Variants in MBNL2 observed in about 807,000 individuals in gnomAD.
The protein encoded by MBNL2 is muscleblind like splicing regulator 2, also known as muscleblind-like protein 2.
Under a neutral mutation model 41.9 loss-of-function variants are expected in MBNL2, and 17 were observed. The observed-to-expected ratio is 0.41, with a 90% CI of 0.28 to 0.61. MBNL2 has a LOEUF of 0.61. MBNL2 is among the 20% of genes least tolerant of loss of function. MBNL2 has a pLI of 0.35. For synonymous variants in MBNL2, 195 were observed against 182.9 expected (o/e 1.07, Z -0.53); for missense variants, 336 against 505.6 (o/e 0.66, Z 3.22).
chr13:97,197,242 G>C, the MBNL2 span, among the ~76,000 whole-genome samples: 1,858 of 152,088 alleles, frequency 0.012, 43 homozygotes, highest in African/African-American at 0.042. Flanking sequence ...AAAAATTATT[G>C]TCCTTTGCAG....
At chr13:97,378,453 G>A (rs2065152655) in intron 8 of MBNL2, among the ~76,000 whole-genome samples, 1 of 152,172 alleles carries the variant, frequency 6.6e-6, no homozygotes, top group Admixed American at 6.5e-5. Context: ...ACTTCCTACT[G>A]CAGTGGACAC....
chr13:97,258,168 C>T (rs939238994), intron 1 of MBNL2, among the ~76,000 whole-genome samples: 8 of 151,264 alleles, frequency 5.3e-5, no homozygotes, highest in African/African-American at 1.9e-4. Flanking sequence ...CCTAATAACT[C>T]GTGGTGTCAC....
chr13:97,242,902 G>A (rs969250978), intron 1 of MBNL2, among the ~76,000 whole-genome samples: 1 of 152,178 alleles, frequency 6.6e-6, no homozygotes, highest in South Asian at 2.1e-4. Flanking sequence ...CTCTGAAATT[G>A]GTGCTGGTGG....
the MBNL2 span, among the ~76,000 whole-genome samples, chr13:97,153,938 C>T: frequency 6.6e-6 from 1 of 152,218 alleles, no homozygotes; most frequent in Non-Finnish European, 1.5e-5. Flanking sequence ...ACTTTCCAAA[C>T]TCTCTTCCAA....
chr13:97,186,105 G>A, the MBNL2 span, among the ~76,000 whole-genome samples: 2 of 152,150 alleles, frequency 1.3e-5, no homozygotes, highest in African/African-American at 4.8e-5. Flanking sequence ...CTTAATACCT[G>A]GGATTCTAGC....
chr13:97,313,722 T>C (rs191319544), intron 2 of MBNL2, among the ~76,000 whole-genome samples: 2 of 152,278 alleles, frequency 1.3e-5, no homozygotes, highest in East Asian at 3.9e-4. Flanking sequence ...GGCTGAGCTG[T>C]AGGCTTCAGG....
chr13:97,278,811 A>G (rs1236343393), intron 2 of MBNL2, among the ~76,000 whole-genome samples: 2 of 152,232 alleles, frequency 1.3e-5, no homozygotes, highest in African/African-American at 4.8e-5. Flanking sequence ...TGAGTGCAAC[A>G]TTACACATTT....
chr13:97,356,856 T>G lies in MBNL2; in HGVS notation c.858+7T>G, dbSNP rs1001252693. 2 of 1,357,290 alleles carry G rather than the reference T, an allele frequency of 1.5e-6. No individual in the cohort carries two copies. Among genetic ancestry groups the G allele is most frequent in the Middle Eastern group, 2.1e-4 (1 of 4,750 alleles). The allele number at this position is 1,357,290 out of a possible 1,614,324, so 84.1% of individuals were successfully genotyped here. A position where few individuals can be genotyped will look rare whatever the true frequency, so the allele number is the denominator to read the frequency against. On this transcript the variant is annotated splice_region_variant and intron_variant, in intron 6 of 8. Transcript: ENST00000679496. ...CGAAGCAACTGTAGACCTGGTACTT[T>G]GACCTTTCACCTTTCGCTTTGCATG...
chr13:97,387,905 A>T (rs147339242), intron 8 of MBNL2, among the ~76,000 whole-genome samples: 2 of 152,122 alleles, frequency 1.3e-5, no homozygotes, highest in African/African-American at 4.8e-5. Flanking sequence ...GAGACCCCCA[A>T]TGTGGTGGCT....
the MBNL2 span, among the ~76,000 whole-genome samples, chr13:97,158,633 C>T: frequency 2.6e-5 from 4 of 151,416 alleles, no homozygotes; most frequent in Admixed American, 6.6e-5. Context: ...ATCTTTATTT[C>T]TGCCTTCATT....
chr13:97,170,022 A>G, the MBNL2 span, among the ~76,000 whole-genome samples: 21 of 152,312 alleles, frequency 1.4e-4, no homozygotes, highest in African/African-American at 5.1e-4. Context: ...CCAAACAACC[A>G]TCACCTTACT....
intron 2 of MBNL2, among the ~76,000 whole-genome samples, chr13:97,289,831 T>C (rs1306074112): frequency 6.6e-6 from 1 of 152,214 alleles, no homozygotes; most frequent in African/African-American, 2.4e-5. Context: ...AGACCTCAGA[T>C]GTGACCTGAA....
chr13:97,246,839 A>C (rs932136917), intron 1 of MBNL2, among the ~76,000 whole-genome samples: 1 of 152,178 alleles, frequency 6.6e-6, no homozygotes, highest in Non-Finnish European at 1.5e-5. Flanking sequence ...GGTTACAGTC[A>C]GCTTTATCGC....
the MBNL2 span, among the ~76,000 whole-genome samples, chr13:97,159,297 C>T: frequency 4.6e-4 from 67 of 147,000 alleles, no homozygotes; most frequent in Admixed American, 7.5e-4. Flanking sequence ...TGTCTCTGCA[C>T]GTGAGATGGG....
At chr13:97,208,106 C>T in the MBNL2 span, among the ~76,000 whole-genome samples, 4 of 152,244 alleles carry the variant, frequency 2.6e-5, no homozygotes, top group South Asian at 2.1e-4. Flanking sequence ...GTGTTGAGTC[C>T]GTGAAATTAA....
chr13:97,219,258 T>A (rs1185760920), upstream of MBNL2, among the ~76,000 whole-genome samples: 1 of 152,108 alleles, frequency 6.6e-6, no homozygotes, highest in African/African-American at 2.4e-5. Context: ...TCTGAACTCA[T>A]CCTGTGGGTC....
the MBNL2 span, among the ~76,000 whole-genome samples, chr13:97,197,989 G>A: frequency 6.6e-6 from 1 of 152,094 alleles, no homozygotes; most frequent in African/African-American, 2.4e-5. Context: ...ATATTGAGTT[G>A]CCTTCCTCTG....
intron 3 of MBNL2, among the ~76,000 whole-genome samples, chr13:97,338,840 G>A (rs2061123989): frequency 1.3e-5 from 2 of 152,236 alleles, no homozygotes; most frequent in Non-Finnish European, 2.9e-5. Context: ...TGCCAGGCAC[G>A]TACCCTTTAA....
At chr13:97,191,054 A>C in the MBNL2 span, among the ~76,000 whole-genome samples, 1 of 152,196 alleles carries the variant, frequency 6.6e-6, no homozygotes, top group Admixed American at 6.5e-5. Flanking sequence ...TAATGAAGTC[A>C]TACTATTGTG....
Sources: gnomAD v4.1 joint callset for allele counts (sites outside exome capture counted in the v4.1 genomes callset) on GRCh38, gnomAD v4.1.1 for gene constraint, MANE v1.5 for transcripts, NCBI Gene and HGNC (gene_info 2026-07-23, HGNC 2026-07-21) for gene names.